The following XYLT1 variants were observed in gnomAD, a reference collection of about 807,000 sequenced individuals.
XYLT1 encodes the protein xylosyltransferase 1.
XYLT1 carries 36 observed loss-of-function variants against 91.3 expected under a neutral mutation model. That is an observed-to-expected ratio of 0.39 (90% CI 0.30 to 0.52). The LOEUF (loss-of-function observed/expected upper bound fraction) is 0.52. Ranked by LOEUF, XYLT1 falls within the 20% of genes least tolerant of loss-of-function variation. The probability of loss-of-function intolerance (pLI) is 0.68; values close to 1 mark genes in which losing one functional copy is unlikely to be tolerated. For synonymous variants in XYLT1, 588 were observed against 532.0 expected, an observed-to-expected ratio of 1.11 and a Z score of -1.45; for missense variants, 1,242 against 1,284.5, an observed-to-expected ratio of 0.97 and a Z score of 0.51.
chr16:17,379,265 A>C (rs1367944185), intron 1 of XYLT1, among the ~76,000 whole-genome samples: 1 of 152,172 alleles, frequency 6.6e-6, no homozygotes, highest in African/African-American at 2.4e-5. Flanking sequence ...CACCCTAAAG[A>C]CTATATATAG....
At chr16:17,265,111 C>T (rs1480450694) in intron 2 of XYLT1, among the ~76,000 whole-genome samples, 1 of 152,166 alleles carries the variant, frequency 6.6e-6, no homozygotes, top group Non-Finnish European at 1.5e-5. Flanking sequence ...TCGCTTGAAC[C>T]CAGGAGATGG....
Position 17,411,738 on chromosome 16 carries a change from C to T in XYLT1, c.364-53688G>A, listed in dbSNP as rs191834765. Among the ~76,000 whole-genome samples, 12 of 152,240 alleles carry T rather than the reference C, an allele frequency of 7.9e-5. No individual in the cohort carries two copies. In the East Asian group the frequency reaches 2.3e-3, roughly 29 times the overall value. On this transcript the variant is annotated intron_variant, in intron 1 of 11. Transcript: ENST00000261381. ...GTGGTACATTCGGCTTCACCTTCAT[C>T]GTGGGAGAATGACCAGATGCCTACC...
intron 2 of XYLT1, among the ~76,000 whole-genome samples, chr16:17,345,480 C>T (rs1288724158): frequency 2.0e-5 from 3 of 152,226 alleles, no homozygotes; most frequent in Admixed American, 6.5e-5. Flanking sequence ...AGAGCCTCTG[C>T]TCCCCAAGCC....
intron 5 of XYLT1, among the ~76,000 whole-genome samples, chr16:17,191,850 T>C (rs1469312211): frequency 2.6e-5 from 4 of 152,204 alleles, no homozygotes; most frequent in Non-Finnish European, 5.9e-5. Context: ...AGTTTGGACT[T>C]TGTTGATGTG....
At chr16:17,161,041 C>A (rs1597159817) in intron 5 of XYLT1, among the ~76,000 whole-genome samples, 1 of 152,130 alleles carries the variant, frequency 6.6e-6, no homozygotes. Context: ...CTCTCAGACA[C>A]CCTTAGTGGG....
rs547068287 is a variant in XYLT1 at position 17,422,690 on chromosome 16, T to C, written c.363+47744A>G. On this transcript the variant is annotated intron_variant, in intron 1 of 11. Coordinates refer to ENST00000261381, the MANE Select transcript of XYLT1 (RefSeq NM_022166.4). ...GCCTAACTAATTTTTGTATTTTTAG[T>C]AGAGACGGGGTTTCACCATGTTGGC... is the stretch of plus-strand genomic sequence containing the variant. Among the ~76,000 whole-genome samples the C allele has an allele frequency of 1.4e-3, 220 of 152,214 alleles. 1 individual carries two copies. The highest frequency in any genetic ancestry group is 2.2e-3 in the Non-Finnish European group (147 of 68,008).
intron 9 of XYLT1, among the ~76,000 whole-genome samples, chr16:17,134,214 TATATGTAGCATGAA>T (rs2030615393): frequency 6.6e-6 from 1 of 152,148 alleles, no homozygotes; most frequent in Non-Finnish European, 1.5e-5. Flanking sequence ...CTAAAGTATA[TATATGTAGCATGAA>T]GAATGAGTAA....
intron 1 of XYLT1, among the ~76,000 whole-genome samples, chr16:17,371,029 C>CT (rs1474722490): frequency 1.3e-5 from 2 of 152,204 alleles, no homozygotes; most frequent in Admixed American, 6.5e-5. Flanking sequence ...GCACTTTCAG[C>CT]TGGAGGACCT....
intron 6 of XYLT1, among the ~76,000 whole-genome samples, chr16:17,156,974 G>C (rs1016948697): frequency 6.6e-6 from 1 of 150,568 alleles, no homozygotes; most frequent in Non-Finnish European, 1.5e-5. Context: ...TTGAGATGGA[G>C]TCTCCCTCTG....
chr16:17,113,386 G>A (rs190146202), intron 11 of XYLT1, among the ~76,000 whole-genome samples: 7 of 152,026 alleles, frequency 4.6e-5, no homozygotes, highest in Admixed American at 1.3e-4. Context: ...TGAGTAATCC[G>A]TCCACCTCAG....
chr16:17,464,711 T>C (rs1231462633), intron 1 of XYLT1, among the ~76,000 whole-genome samples: 4 of 151,802 alleles, frequency 2.6e-5, no homozygotes, highest in Admixed American at 2.6e-4. Flanking sequence ...ATGCAGTCAT[T>C]ATTATTATTA....
chr16:17,428,269 C>A, intron 1 of XYLT1, among the ~76,000 whole-genome samples: 1 of 152,198 alleles, frequency 6.6e-6, no homozygotes, highest in East Asian at 1.9e-4. Context: ...AAGGCATGAG[C>A]CACTGCACCA....
At chr16:17,275,012 A>G (rs2033952287) in intron 2 of XYLT1, among the ~76,000 whole-genome samples, 3 of 152,122 alleles carry the variant, frequency 2.0e-5, no homozygotes, top group Non-Finnish European at 4.4e-5. Context: ...CCCTGTCTCT[A>G]CTGAAAATAC....
At chr16:17,168,229 G>A (rs1025149740) in intron 5 of XYLT1, among the ~76,000 whole-genome samples, 17 of 152,152 alleles carry the variant, frequency 1.1e-4, no homozygotes, top group African/African-American at 3.1e-4. Context: ...AGGAAGATGC[G>A]GTACATACAC....
intron 1 of XYLT1, among the ~76,000 whole-genome samples, chr16:17,432,151 G>A (rs1055053110): frequency 6.6e-6 from 1 of 152,162 alleles, no homozygotes; most frequent in Non-Finnish European, 1.5e-5. Context: ...CACTTTGGAA[G>A]ACACTTCAAC....
At chr16:17,351,339 T>C (rs975866736) in intron 2 of XYLT1, among the ~76,000 whole-genome samples, 2 of 151,942 alleles carry the variant, frequency 1.3e-5, no homozygotes, top group African/African-American at 2.4e-5. Flanking sequence ...ATGGTGAAAC[T>C]CCATTTCTAC....
At chr16:17,146,627 G>A (rs999428716) in intron 6 of XYLT1, among the ~76,000 whole-genome samples, 1 of 150,974 alleles carries the variant, frequency 6.6e-6, no homozygotes, top group Non-Finnish European at 1.5e-5. Flanking sequence ...AGCATTTCTG[G>A]TTGAATAAAA....
intron 2 of XYLT1, among the ~76,000 whole-genome samples, chr16:17,265,664 A>G (rs2033793393): frequency 6.6e-6 from 1 of 152,130 alleles, no homozygotes; most frequent in Non-Finnish European, 1.5e-5. Flanking sequence ...AATTTCAATC[A>G]GGTAGAAATA....
intron 1 of XYLT1, among the ~76,000 whole-genome samples, chr16:17,379,755 T>TCACACACACA (rs1164558348): frequency 8.6e-4 from 112 of 130,392 alleles, no homozygotes; most frequent in Non-Finnish European, 1.5e-3. Context: ...TCTCTCTCTC[T>TCACACACACA]CTCTCTCTCA....
Sources: gnomAD v4.1 joint callset for allele counts (sites outside exome capture counted in the v4.1 genomes callset) on GRCh38, gnomAD v4.1.1 for gene constraint, MANE v1.5 for transcripts, NCBI Gene and HGNC (gene_info 2026-07-23, HGNC 2026-07-21) for gene names.